The following ENAH variants were observed in gnomAD, a reference collection of about 807,000 sequenced individuals.
ENAH encodes the protein ENAH actin regulator.
Under a neutral mutation model 78.7 loss-of-function variants are expected in ENAH, and 23 were observed. The ratio of observed to expected loss-of-function variants is 0.29; its 90% confidence interval spans 0.21 to 0.41. ENAH has a LOEUF of 0.41. Among genes scored for constraint, ENAH ranks in the 10% least tolerant of loss-of-function variants. The probability of loss-of-function intolerance (pLI) is 1.00; values close to 1 mark genes in which losing one functional copy is unlikely to be tolerated. For synonymous variants in ENAH, 226 were observed against 241.0 expected (o/e 0.94, Z 0.58); for missense variants, 544 against 691.0 (o/e 0.79, Z 2.39).
chr1:225,638,289 G>A (rs1006391495), intron 1 of ENAH, among the ~76,000 whole-genome samples: 14 of 151,796 alleles, frequency 9.2e-5, no homozygotes, highest in African/African-American at 3.4e-4. Flanking sequence ...CCTGAGTATA[G>A]CTAGGACTAC....
At chr1:225,635,833 GA>G (rs1659966401) in intron 1 of ENAH, among the ~76,000 whole-genome samples, 1 of 152,130 alleles carries the variant, frequency 6.6e-6, no homozygotes, top group Non-Finnish European at 1.5e-5. Flanking sequence ...TGAAGTGATG[GA>G]CCTAGAAGCC....
At chr1:225,629,253 G>A (rs1658533857) in intron 1 of ENAH, among the ~76,000 whole-genome samples, 1 of 152,012 alleles carries the variant, frequency 6.6e-6, no homozygotes. Flanking sequence ...ACTTCAGCCT[G>A]GGTGACAGAG....
chr1:225,547,548 T>TA, intron 3 of ENAH, among the ~76,000 whole-genome samples: 1 of 152,216 alleles, frequency 6.6e-6, no homozygotes, highest in East Asian at 1.9e-4. Context: ...ATGCTTGACT[T>TA]ACAGCCTCCA....
intron 1 of ENAH, among the ~76,000 whole-genome samples, chr1:225,578,058 C>G (rs749607638): frequency 1.1e-4 from 16 of 152,110 alleles, no homozygotes; most frequent in Non-Finnish European, 1.6e-4. Flanking sequence ...TACCTGGAGA[C>G]AGAGAATAAT....
chr1:225,585,784 G>A (rs1350616073), intron 1 of ENAH, among the ~76,000 whole-genome samples: 1 of 151,670 alleles, frequency 6.6e-6, no homozygotes, highest in Non-Finnish European at 1.5e-5. Context: ...GTGAGACCCT[G>A]TGTAAAAAAT....
At chr1:225,526,063 C>T (rs2096501847) in intron 4 of ENAH, among the ~76,000 whole-genome samples, 1 of 151,986 alleles carries the variant, frequency 6.6e-6, no homozygotes. Context: ...CACAGATGGC[C>T]CTTCCCAGAA....
At chr1:225,582,153 G>T (rs1168092545) in intron 1 of ENAH, among the ~76,000 whole-genome samples, 7 of 151,996 alleles carry the variant, frequency 4.6e-5, no homozygotes, top group Admixed American at 3.9e-4. Flanking sequence ...AGATCTGGTT[G>T]TCTTCCCCCC....
chr1:225,625,039 T>C (rs1048127936), intron 1 of ENAH, among the ~76,000 whole-genome samples: 1 of 147,130 alleles, frequency 6.8e-6, no homozygotes, highest in Non-Finnish European at 1.5e-5. Context: ...ATGTTCGGAA[T>C]TCCAGTGTCC....
At chr1:225,635,131 A>C (rs1659826390) in intron 1 of ENAH, among the ~76,000 whole-genome samples, 1 of 152,202 alleles carries the variant, frequency 6.6e-6, no homozygotes, top group Non-Finnish European at 1.5e-5. Flanking sequence ...TTATAGTTTC[A>C]GTGTACAAGT....
rs1410468629 is a variant in ENAH, at chr1:225,498,357, C to T, written c.1665G>A (p.Glu555=). Residue 555 remains glutamate, a synonymous_variant, in exon 13 of 14, where the codon GAG becomes GAA. Transcript: ENST00000366843. The stretch of plus-strand genomic sequence containing the variant: ...TGTCCAGACACTTACCATCAATGAG[C>T]TCTTCTTTTAGCTTTGTTAATTCTT... ...MRKELTKLKE[E]LIDAIRQELS... The T allele has an allele frequency of 3.8e-6, 6 of 1,594,866 alleles. No homozygotes were observed. Among genetic ancestry groups the T allele is most frequent in the Non-Finnish European group, 4.3e-6 (5 of 1,166,476 alleles).
intron 1 of ENAH, among the ~76,000 whole-genome samples, chr1:225,574,594 T>C (rs1288379000): frequency 1.3e-5 from 2 of 150,630 alleles, no homozygotes; most frequent in African/African-American, 2.4e-5. Flanking sequence ...AAAGTGAGAC[T>C]CTGTCTCCAA....
At chr1:225,523,939 A>G (rs79433628) in intron 4 of ENAH, among the ~76,000 whole-genome samples, 5,524 of 152,256 alleles carry the variant, frequency 0.036, 171 homozygotes, top group South Asian at 0.053. Flanking sequence ...TTTTTCAAAG[A>G]AAGAGTGCCT....
At chr1:225,497,913 C>A in intron 13 of ENAH, 101 bp from the exon 14 acceptor site, 1 of 906,508 alleles carries the variant, frequency 1.1e-6, no homozygotes, top group Non-Finnish European at 1.7e-6. Context: ...CTCAAACTCA[C>A]AGTAATAAGA....
intron 1 of ENAH, among the ~76,000 whole-genome samples, chr1:225,650,021 C>T (rs1662678406): frequency 6.6e-6 from 1 of 152,174 alleles, no homozygotes; most frequent in Non-Finnish European, 1.5e-5. Flanking sequence ...GAAGACTAAG[C>T]ATATATTAAT....
intron 11 of ENAH, among the ~76,000 whole-genome samples, chr1:225,503,281 T>C (rs2096295708): frequency 1.3e-5 from 2 of 152,136 alleles, no homozygotes; most frequent in Admixed American, 1.3e-4. Flanking sequence ...CTGAGCAGAT[T>C]TACTACATTT....
intron 1 of ENAH, among the ~76,000 whole-genome samples, chr1:225,643,080 C>T (rs1456483845): frequency 1.3e-5 from 2 of 152,176 alleles, no homozygotes; most frequent in South Asian, 2.1e-4. Context: ...CTCACAGAGG[C>T]CTGTGCTGGG....
intron 1 of ENAH, among the ~76,000 whole-genome samples, chr1:225,574,554 A>G (rs888510858): frequency 3.9e-5 from 6 of 151,956 alleles, no homozygotes; most frequent in Non-Finnish European, 8.8e-5. Context: ...GTGAGCCAAC[A>G]GTACGCCACT....
At chr1:225,530,720 A>T (rs1367125642) in intron 3 of ENAH, 82 bp from the exon 4 acceptor site, 9 of 1,076,108 alleles carry the variant, frequency 8.4e-6, no homozygotes, top group Non-Finnish European at 1.3e-5. Flanking sequence ...AGAATAACAT[A>T]AAACCATCAC....
intron 7 of ENAH, among the ~76,000 whole-genome samples, chr1:225,513,718 G>A (rs955636963): frequency 6.6e-6 from 1 of 151,976 alleles, no homozygotes; most frequent in African/African-American, 2.4e-5. Flanking sequence ...TAGGCCGGGT[G>A]CGATGGCTCA....
Sources: allele counts gnomAD v4.1 joint callset (sites outside exome capture counted in the v4.1 genomes callset), GRCh38; gene constraint gnomAD v4.1.1; transcripts MANE v1.5; gene names NCBI Gene and HGNC (gene_info 2026-07-23, HGNC 2026-07-21).